RIMBP2: variants seen among roughly 807,000 people sequenced by gnomAD.
RIMBP2 encodes RIMS-binding protein 2.
Under a neutral mutation model 118.6 loss-of-function variants are expected in RIMBP2, and 48 were observed. That is an observed-to-expected ratio of 0.40 (90% confidence interval 0.32 to 0.51). The LOEUF is 0.51. RIMBP2 is among the 20% of genes least tolerant of loss of function. The pLI is 0.41. For missense variants in RIMBP2, 1,551 were observed against 1,768.3 expected (o/e 0.88, Z 2.20); for synonymous variants, 762 against 742.9 (o/e 1.03, Z -0.42).
chr12:130,397,303 C>A lies in RIMBP2; in HGVS notation c.*58G>T. Reference sequence around the variant, plus strand: ...TAGGAAGTACTTGAGTCATGAAAGCCCTAGTTTGGAATTAAAGAAAATTAC... The same window carrying A: ...TAGGAAGTACTTGAGTCATGAAAGCACTAGTTTGGAATTAAAGAAAATTAC... On this transcript the variant is annotated 3_prime_UTR_variant, in exon 23 of 23. Transcript: ENST00000690449. 1 of 398,170 alleles carries A rather than the reference C, an allele frequency of 2.5e-6. No individual in the cohort carries two copies. Among genetic ancestry groups the A allele is most frequent in the Admixed American group, 4.4e-5 (1 of 22,730 alleles). The allele number at this position is 398,170 out of a possible 1,614,324, so 24.7% of individuals were successfully genotyped here.
In RIMBP2 at chr12:130,670,428, G is replaced by A. The variant is rs1207300675; in HGVS notation, c.-351-41972C>T. ...TAGTCATGTGGGTTCTCATGAACAC[G>A]CCAGCCCTGCTCTCTCTCCTAGCTC... On this transcript the variant is annotated intron_variant, in intron 1 of 22. Coordinates refer to ENST00000690449, the MANE Select transcript of RIMBP2 (RefSeq NM_001393629.1). This position sits in a 1 kb window ranked among gnomAD's most constrained non-coding sequence, Gnocchi z 4.9. 3.3e-5 allele frequency among the ~76,000 whole-genome samples: 5 copies of A among 152,134 alleles called. No homozygotes were observed. The highest frequency in any genetic ancestry group is 7.2e-5 in the African/African-American group (3 of 41,430).
At position 130,424,707 on chromosome 12, in the gene RIMBP2, G is replaced by A. The variant is rs565133362; in HGVS notation, c.2564C>T (p.Pro855Leu). 61 of 1,232,164 alleles carry A rather than the reference G, an allele frequency of 5.0e-5. No homozygotes were observed. Among genetic ancestry groups the A allele is most frequent in the South Asian group, 1.6e-4 (4 of 24,314 alleles). The allele number at this position is 1,232,164 out of a possible 1,614,324, so 76.3% of individuals were successfully genotyped here. A position where few individuals can be genotyped will look rare whatever the true frequency, so the allele number is the denominator to read the frequency against. ...CAGCCCCGTCCTGGCCCTGGGGGAC[G>A]GCCCTGCACCCTGCTTGTGTAGCAG... is the stretch of plus-strand genomic sequence containing the variant. ...CGLLHKQGAG[P>L]SPRARTGLAR... The change falls in exon 16 of 23, where the codon CCG (proline) becomes CTG (leucine). Residue 855 changes from proline (P) to leucine (L), a missense_variant. By Grantham distance (98) the Pro-to-Leu change is moderately conservative. Transcript: ENST00000690449. The surrounding 1 kb of genome is among the most constrained non-coding windows in gnomAD (Gnocchi z 9.8).
At chr12:130,534,368 C>T (rs1235304747) in intron 2 of RIMBP2, among the ~76,000 whole-genome samples, 1 of 151,780 alleles carries the variant, frequency 6.6e-6, no homozygotes, top group Non-Finnish European at 1.5e-5. Context: ...AATCCCAGCA[C>T]TTTGGGAGGC....
chr12:130,649,980 T>TA (rs1256945644), intron 1 of RIMBP2, among the ~76,000 whole-genome samples: 1 of 151,382 alleles, frequency 6.6e-6, no homozygotes, highest in East Asian at 2.0e-4. Flanking sequence ...GAACAAGCGG[T>TA]ACGAGACTCT....
chr12:130,675,392 C>A (rs1048407160), intron 1 of RIMBP2, among the ~76,000 whole-genome samples: 18 of 152,202 alleles, frequency 1.2e-4, no homozygotes, highest in African/African-American at 4.1e-4. Flanking sequence ...GGCTCCACCG[C>A]CCCAGCTCTG....
intron 1 of RIMBP2, among the ~76,000 whole-genome samples, chr12:130,632,686 A>T: frequency 6.6e-6 from 1 of 152,148 alleles, no homozygotes; most frequent in East Asian, 1.9e-4. Context: ...GGGCATAAAA[A>T]ACTACTCTGT....
At chr12:130,563,679 G>A (rs184585260) in intron 2 of RIMBP2, among the ~76,000 whole-genome samples, 21 of 152,258 alleles carry the variant, frequency 1.4e-4, no homozygotes, top group Non-Finnish European at 2.5e-4. Context: ...ATCTTGAGCC[G>A]GGTTGGCCAT....
intron 2 of RIMBP2, among the ~76,000 whole-genome samples, chr12:130,544,724 C>T (rs937959333): frequency 2.0e-5 from 3 of 151,556 alleles, no homozygotes; most frequent in Admixed American, 6.6e-5. Context: ...CTCAGCCTCC[C>T]GAGTAACTGG....
At chr12:130,414,063 C>G (rs2075941438) in intron 18 of RIMBP2, 62 bp downstream of exon 18, 2 of 1,535,068 alleles carry the variant, frequency 1.3e-6, no homozygotes, top group South Asian at 1.1e-5. Flanking sequence ...CCAGTCTCTG[C>G]CCCCATGACC....
rs2064922767 is a variant in RIMBP2 at position 130,683,904 on chromosome 12, T to G, written c.-352+32318A>C. Among the ~76,000 whole-genome samples the G allele has an allele frequency of 6.6e-6, 1 of 152,226 alleles. No individual in the cohort carries two copies. The highest frequency in any genetic ancestry group is 1.5e-5 in the Non-Finnish European group (1 of 68,042). On this transcript the variant is annotated intron_variant, in intron 1 of 22. Transcript: ENST00000690449. The surrounding 1 kb of genome is among the most constrained non-coding windows in gnomAD (Gnocchi z 4.4). ...TATGGAATAGCCATTCTTTATTCCTTTACTTTCCTAATAAATTTGCTTTCA... is the reference window on the plus strand; with the variant it reads ...TATGGAATAGCCATTCTTTATTCCTGTACTTTCCTAATAAATTTGCTTTCA...
At chr12:130,498,562 C>T (rs775402698) in intron 4 of RIMBP2, among the ~76,000 whole-genome samples, 27 of 137,962 alleles carry the variant, frequency 2.0e-4, no homozygotes, top group Non-Finnish European at 3.9e-4. Context: ...CAGGTGGCCA[C>T]GAAAGCAACA....
chr12:130,558,384 G>A (rs2056543646), intron 2 of RIMBP2, among the ~76,000 whole-genome samples: 1 of 152,104 alleles, frequency 6.6e-6, no homozygotes, highest in Non-Finnish European at 1.5e-5. Context: ...ACCTCTCTCT[G>A]CAAACACACA....
At chr12:130,495,799 C>T (rs536859287) in intron 4 of RIMBP2, among the ~76,000 whole-genome samples, 1 of 152,156 alleles carries the variant, frequency 6.6e-6, no homozygotes, top group Non-Finnish European at 1.5e-5. Flanking sequence ...TGCTTTGAAC[C>T]CTTACATCTA....
At chr12:130,544,108 G>A (rs1002088908) in intron 2 of RIMBP2, among the ~76,000 whole-genome samples, 2 of 152,116 alleles carry the variant, frequency 1.3e-5, no homozygotes, top group Non-Finnish European at 2.9e-5. Context: ...GGGCAGTTTG[G>A]CCTTTCCCCT....
chr12:130,662,618 T>A (rs1181213578), intron 1 of RIMBP2, among the ~76,000 whole-genome samples: 1 of 151,858 alleles, frequency 6.6e-6, no homozygotes. Flanking sequence ...ATCACACCCT[T>A]GTACTCCAGC....
chr12:130,563,403 T>C (rs189056092), intron 2 of RIMBP2, among the ~76,000 whole-genome samples: 57 of 152,326 alleles, frequency 3.7e-4, no homozygotes, highest in African/African-American at 1.3e-3. Flanking sequence ...GATCAAAGGA[T>C]TGCCTGAAAG....
chr12:130,397,747 T>G (rs1041615936), intron 22 of RIMBP2, 198 bp from the exon 23 acceptor site: 3 of 375,274 alleles, frequency 8.0e-6, no homozygotes, highest in Non-Finnish European at 1.4e-5. Context: ...CATAAATGTG[T>G]GGGTTCCGTT....
At position 130,420,173 on chromosome 12, in the gene RIMBP2, C is replaced by T. The variant is rs1475008493; in HGVS notation, c.3238+2280G>A. Among the ~76,000 whole-genome samples, 2 of 152,152 alleles carry T rather than the reference C, an allele frequency of 1.3e-5. No homozygotes were observed. Among genetic ancestry groups the T allele is most frequent in the Non-Finnish European group, 2.9e-5 (2 of 68,032 alleles). On this transcript the variant is annotated intron_variant, in intron 17 of 22. Coordinates refer to ENST00000690449, the MANE Select transcript of RIMBP2 (RefSeq NM_001393629.1). The surrounding 1 kb of genome is among the most constrained non-coding windows in gnomAD (Gnocchi z 4.3). Reference sequence around the variant, plus strand: ...ATGTTCATTTCCCAAAGCTCTTTGCCGAGTCCTCCTCCTCCTCAGGTGGGT... The same window carrying T: ...ATGTTCATTTCCCAAAGCTCTTTGCTGAGTCCTCCTCCTCCTCAGGTGGGT...
intron 1 of RIMBP2, among the ~76,000 whole-genome samples, chr12:130,714,646 C>A (rs1301856765): frequency 3.9e-5 from 6 of 152,322 alleles, no homozygotes; most frequent in Non-Finnish European, 8.8e-5. Flanking sequence ...GGGCCCCAGG[C>A]GGCTGCCATA....
Sources: allele counts gnomAD v4.1 joint callset (sites outside exome capture counted in the v4.1 genomes callset), GRCh38; gene constraint gnomAD v4.1.1; non-coding constraint Gnocchi (gnomAD v3.1); transcripts MANE v1.5; gene names NCBI Gene and HGNC (gene_info 2026-07-23, HGNC 2026-07-21).